The following KIF18A variants were observed in gnomAD, a reference collection of about 807,000 sequenced individuals.
KIF18A encodes the protein kinesin family member 18A, also known as kinesin-like protein KIF18A.
Under a neutral mutation model 103.3 loss-of-function variants are expected in KIF18A, and 67 were observed. The observed-to-expected ratio is 0.65, with a 90% CI of 0.53 to 0.79. The LOEUF (loss-of-function observed/expected upper bound fraction) is 0.79. Among genes scored for constraint, KIF18A ranks in the 30% least tolerant of loss-of-function variants. KIF18A has a pLI of 0.00. For missense variants in KIF18A, 1,032 were observed against 1,062.5 expected (o/e 0.97, Z 0.40); for synonymous variants, 367 against 355.5 (o/e 1.03, Z -0.36).
intron 2 of KIF18A, 151 bp downstream of exon 2, chr11:28,097,472 T>C (rs1851389254): frequency 4.6e-6 from 3 of 647,414 alleles, no homozygotes; most frequent in Non-Finnish European, 5.5e-6. Flanking sequence ...TCAAAGTCTA[T>C]ATTTACAGTT....
chr11:28,047,377 A>T (rs1296440845), intron 13 of KIF18A, among the ~76,000 whole-genome samples: 1 of 152,130 alleles, frequency 6.6e-6, no homozygotes, highest in Non-Finnish European at 1.5e-5. Context: ...TTTAACTATG[A>T]CATTTCTATG....
At chr11:28,064,259 T>C (rs1259788692) in intron 11 of KIF18A, among the ~76,000 whole-genome samples, 2 of 151,970 alleles carry the variant, frequency 1.3e-5, no homozygotes, top group Non-Finnish European at 2.9e-5. Flanking sequence ...GCTAGAGTCA[T>C]GTGATTTTAG....
intron 11 of KIF18A, among the ~76,000 whole-genome samples, chr11:28,064,795 T>C (rs1850897536): frequency 1.3e-5 from 2 of 152,078 alleles, no homozygotes; most frequent in South Asian, 2.1e-4. Context: ...CTAAATCTGA[T>C]TGGAAGAACA....
chr11:28,085,260 G>C (rs1274167836), intron 6 of KIF18A, among the ~76,000 whole-genome samples: 1 of 152,078 alleles, frequency 6.6e-6, no homozygotes, highest in African/African-American at 2.4e-5. Context: ...GACCGCGAAA[G>C]GGAGTCTCCT....
intron 15 of KIF18A, among the ~76,000 whole-genome samples, chr11:28,028,706 C>CA (rs1850353671): frequency 6.6e-6 from 1 of 151,640 alleles, no homozygotes; most frequent in Non-Finnish European, 1.5e-5. Flanking sequence ...GATAGAGACG[C>CA]AAAAAACCCT....
chr11:28,080,922 A>T (rs913780350), intron 9 of KIF18A, among the ~76,000 whole-genome samples: 5 of 152,216 alleles, frequency 3.3e-5, no homozygotes, highest in Admixed American at 3.3e-4. Flanking sequence ...ACACTAAGAA[A>T]GTGAAACAGC....
intron 13 of KIF18A, among the ~76,000 whole-genome samples, chr11:28,056,098 G>A (rs533968387): frequency 6.6e-6 from 1 of 150,866 alleles, no homozygotes; most frequent in Non-Finnish European, 1.5e-5. Flanking sequence ...TAGTTATGAT[G>A]CATTGTTCAG....
chr11:28,072,284 T>A (rs564017289), intron 10 of KIF18A, among the ~76,000 whole-genome samples: 1 of 152,162 alleles, frequency 6.6e-6, no homozygotes, highest in Non-Finnish European at 1.5e-5. Flanking sequence ...TGTAAAATAA[T>A]TGCTAATATG....
chr11:28,023,770 T>G lies in KIF18A; in HGVS notation c.2585A>C (p.Lys862Thr). Residue 862 changes from lysine to threonine, a missense_variant, in exon 16 of 17, where the codon AAG becomes ACG. Coordinates refer to ENST00000263181, the MANE Select transcript of KIF18A (RefSeq NM_031217.4). ...KRVRQDNSSE[K>T]HLQENKPTME... ...TGTTGGTTTGTTTTCTTGTAAGTGC[T>G]TCTCACTTGAATTATCTTGTCGAAC... 2 of 1,611,726 alleles carry G rather than the reference T, an allele frequency of 1.2e-6. No homozygotes were observed. The highest frequency in any genetic ancestry group is 2.2e-5 in the South Asian group (2 of 90,948).
chr11:28,081,024 C>T (rs908960429), intron 9 of KIF18A, among the ~76,000 whole-genome samples: 2 of 152,170 alleles, frequency 1.3e-5, no homozygotes, highest in African/African-American at 4.8e-5. Context: ...CAGAGCAAGC[C>T]TTCTAAATCT....
chr11:28,069,219 T>G, intron 11 of KIF18A, 40 bp downstream of exon 11: 3 of 1,518,722 alleles, frequency 2.0e-6, no homozygotes, highest in Middle Eastern at 3.4e-4. Context: ...AGGAGCTCAG[T>G]TCCTACAAAT....
At chr11:28,083,044 A>G in intron 8 of KIF18A, 76 bp from the exon 9 acceptor site, 3 of 1,456,732 alleles carry the variant, frequency 2.1e-6, no homozygotes, top group Non-Finnish European at 2.8e-6. Context: ...GCTGTAAAAA[A>G]TAACTGAATT....
At chr11:28,092,149 C>T (rs1334447021) in intron 3 of KIF18A, among the ~76,000 whole-genome samples, 3 of 152,068 alleles carry the variant, frequency 2.0e-5, no homozygotes, top group African/African-American at 7.2e-5. Flanking sequence ...ATGGAACACA[C>T]GGTACTGGGA....
intron 13 of KIF18A, 78 bp downstream of exon 13, chr11:28,058,848 A>G (rs1379531293): frequency 4.8e-6 from 5 of 1,044,960 alleles, no homozygotes; most frequent in Non-Finnish European, 7.1e-6. Context: ...ATTAAAATTA[A>G]CTGTTCTATA....
intron 13 of KIF18A, among the ~76,000 whole-genome samples, chr11:28,053,418 A>C (rs1850736846): frequency 6.6e-6 from 1 of 152,064 alleles, no homozygotes; most frequent in Non-Finnish European, 1.5e-5. Flanking sequence ...ATCTTGGCAC[A>C]TGGGACATAA....
intron 13 of KIF18A, among the ~76,000 whole-genome samples, chr11:28,048,110 CA>C (rs1259688826): frequency 1.3e-5 from 2 of 151,990 alleles, no homozygotes; most frequent in Non-Finnish European, 2.9e-5. Context: ...TATAACTAGA[CA>C]AAAAGCACAT....
At chr11:28,036,168 G>A in intron 14 of KIF18A, 49 bp downstream of exon 14, 8 of 1,231,422 alleles carry the variant, frequency 6.5e-6, no homozygotes, top group Non-Finnish European at 9.0e-6. Flanking sequence ...ACTAATAGTT[G>A]AAAGTCTATG....
At chr11:28,057,713 G>C (rs1850799852) in intron 13 of KIF18A, among the ~76,000 whole-genome samples, 1 of 151,914 alleles carries the variant, frequency 6.6e-6, no homozygotes, top group African/African-American at 2.4e-5. Context: ...CAGCTTCTAG[G>C]ATTCTGCTAT....
chr11:28,048,293 A>C (rs1850665754), intron 13 of KIF18A, among the ~76,000 whole-genome samples: 1 of 152,164 alleles, frequency 6.6e-6, no homozygotes, highest in Non-Finnish European at 1.5e-5. Flanking sequence ...TAATTAGGCA[A>C]GTTGCAAAAT....
Sources: gnomAD v4.1 joint callset for allele counts (sites outside exome capture counted in the v4.1 genomes callset) on GRCh38, gnomAD v4.1.1 for gene constraint, MANE v1.5 for transcripts, NCBI Gene and HGNC (gene_info 2026-07-23, HGNC 2026-07-21) for gene names.